The following SPATA13 variants were observed in gnomAD, a reference collection of about 807,000 sequenced individuals.
SPATA13 encodes the protein spermatogenesis associated 13, also known as spermatogenesis-associated protein 13.
A neutral mutation model predicts 104.0 loss-of-function variants in SPATA13; 50 were observed. That is an observed-to-expected ratio of 0.48 (90% CI 0.38 to 0.61). The LOEUF is 0.61. Ranked by LOEUF, SPATA13 falls within the 20% of genes least tolerant of loss-of-function variation. The pLI is 0.00. For synonymous variants in SPATA13, 606 were observed against 667.5 expected, an observed-to-expected ratio of 0.91 and a Z score of 1.42; for missense variants, 1,524 against 1,690.6, an observed-to-expected ratio of 0.90 and a Z score of 1.73.
At chr13:24,100,483 CCT>C (rs751336414) in intron 3 of SPATA13, among the ~76,000 whole-genome samples, 1 of 152,202 alleles carries the variant, frequency 6.6e-6, no homozygotes, top group Non-Finnish European at 1.5e-5. Flanking sequence ...TCCCTGTCTC[CCT>C]CTCTCAGCTA....
intron 3 of SPATA13, among the ~76,000 whole-genome samples, chr13:24,151,663 A>G (rs1882103138): frequency 6.6e-6 from 1 of 152,080 alleles, no homozygotes; most frequent in African/African-American, 2.4e-5. Context: ...AAGTTCAAAC[A>G]CCAGCTGTGG....
Position 24,063,708 on chromosome 13 carries a change from C to T in SPATA13, c.-112+46007C>T, listed in dbSNP as rs550022439. Among the ~76,000 whole-genome samples, 22 of 152,314 alleles carry T rather than the reference C, an allele frequency of 1.4e-4. No individual in the cohort carries two copies. The East Asian group carries it at 3.7e-3, about 25-fold the overall frequency. ...AGGGTCAGGAGGAGGGGGCAGCCTT[C>T]TCGTTGCTGATGTTTCACCCTTTAT... On this transcript the variant is annotated intron_variant, in intron 3 of 14. Coordinates refer to the SPATA13 transcript ENST00000424834.
At chr13:24,241,371 A>G (rs982701513) in intron 2 of SPATA13, among the ~76,000 whole-genome samples, 1 of 152,226 alleles carries the variant, frequency 6.6e-6, no homozygotes, top group African/African-American at 2.4e-5. Context: ...TCCCTAAAGT[A>G]GCAGAAACTG....
chr13:24,298,769 C>G (rs1039734259), intron 11 of SPATA13, among the ~76,000 whole-genome samples: 1 of 152,178 alleles, frequency 6.6e-6, no homozygotes, highest in African/African-American at 2.4e-5. Flanking sequence ...CTAAGCTTGG[C>G]TACAGAATTT....
intron 3 of SPATA13, chr13:24,034,748 G>C (rs1455087010): frequency 6.6e-6 from 1 of 152,206 alleles, no homozygotes; most frequent in Non-Finnish European, 1.5e-5. Flanking sequence ...GTATGGCCTG[G>C]GATTTTCACA....
chr13:23,987,247 A>G (rs1875192513), intron 2 of SPATA13, among the ~76,000 whole-genome samples: 1 of 152,132 alleles, frequency 6.6e-6, no homozygotes, highest in South Asian at 2.1e-4. Context: ...TTAGATAGCT[A>G]ATGTGGTATT....
At chr13:24,287,040 C>T (rs1365644533) in intron 7 of SPATA13, 90 bp downstream of exon 7, 4 of 1,115,196 alleles carry the variant, frequency 3.6e-6, no homozygotes, top group Admixed American at 4.5e-5. Flanking sequence ...CCCCCCGCCC[C>T]CCCATCAGGC....
chr13:24,032,915 G>A (rs1199655181), intron 3 of SPATA13, among the ~76,000 whole-genome samples: 1 of 152,098 alleles, frequency 6.6e-6, no homozygotes, highest in Non-Finnish European at 1.5e-5. Flanking sequence ...GGGAATACTG[G>A]GGCGTTTGAT....
Position 24,136,987 on chromosome 13 carries a change from G to A in SPATA13, c.-111-85832G>A, listed in dbSNP as rs1240823228. ...TGGGACTACAGGCGCCCGCCACTAC[G>A]CCCGGCTAATTTTTTTGTATTTTTA... On this transcript the variant is annotated intron_variant, in intron 3 of 14. Coordinates refer to the SPATA13 transcript ENST00000424834. Among the ~76,000 whole-genome samples the A allele has an allele frequency of 5.9e-5, 6 of 101,792 alleles. 2 individuals carry two copies. Among genetic ancestry groups the A allele is most frequent in the Admixed American group, 2.3e-4 (2 of 8,838 alleles). The allele number at this position is 101,792 out of a possible 152,430, so 66.8% of individuals were successfully genotyped here.
At chr13:24,136,457 CAAGAGTG>C (rs1566117082) in intron 3 of SPATA13, among the ~76,000 whole-genome samples, 2 of 148,204 alleles carry the variant, frequency 1.3e-5, no homozygotes. Flanking sequence ...GCCTGGGTAA[CAAGAGTG>C]AAACTTAGTC....
At chr13:24,248,918 C>A (rs1471203075) in intron 2 of SPATA13, among the ~76,000 whole-genome samples, 1 of 148,178 alleles carries the variant, frequency 6.7e-6, no homozygotes, top group Non-Finnish European at 1.5e-5. Flanking sequence ...CGTGCTCTTT[C>A]ACCCAGGCTG....
At chr13:24,099,631 C>T (rs1386786720) in intron 3 of SPATA13, among the ~76,000 whole-genome samples, 1 of 152,160 alleles carries the variant, frequency 6.6e-6, no homozygotes, top group East Asian at 1.9e-4. Flanking sequence ...GTGGTGTTTC[C>T]AGAGACCTAC....
At chr13:24,270,578 T>A (rs2138694575) in intron 4 of SPATA13, 1 of 532,630 alleles carries the variant, frequency 1.9e-6, no homozygotes, top group Non-Finnish European at 3.3e-6. Context: ...AGTGTGTTTG[T>A]CTTTGGTGTA....
intron 2 of SPATA13, among the ~76,000 whole-genome samples, chr13:23,987,079 G>GTGCCCA (rs367986400): frequency 6.6e-6 from 1 of 150,638 alleles, no homozygotes; most frequent in African/African-American, 2.4e-5. Context: ...CATAGGCAGT[G>GTGCCCA]GATTGATATT....
intron 3 of SPATA13, among the ~76,000 whole-genome samples, chr13:24,032,560 T>A (rs1468694311): frequency 6.6e-6 from 1 of 152,222 alleles, no homozygotes; most frequent in East Asian, 1.9e-4. Flanking sequence ...GTTCACAGGG[T>A]AACTGACTGC....
At position 24,077,990 on chromosome 13, in the gene SPATA13, G is replaced by A. The variant is rs1265278082; in HGVS notation, c.-112+60289G>A. Among the ~76,000 whole-genome samples the A allele has an allele frequency of 2.0e-5, 3 of 152,046 alleles. No individual in the cohort carries two copies. In the East Asian group the frequency reaches 5.8e-4, roughly 29 times the overall value. Reference sequence around the variant, plus strand: ...TGAGGACCTTCAAGGCTTGGCCTGCGATTGTCAGCTTCTTGCTCACCCCAC... The same window carrying A: ...TGAGGACCTTCAAGGCTTGGCCTGCAATTGTCAGCTTCTTGCTCACCCCAC... On this transcript the variant is annotated intron_variant, in intron 3 of 14. Transcript: ENST00000424834.
At chr13:24,195,808 C>T (rs1304710610) in intron 1 of SPATA13, among the ~76,000 whole-genome samples, 1 of 152,024 alleles carries the variant, frequency 6.6e-6, no homozygotes, top group East Asian at 1.9e-4. Context: ...GTTAATATAG[C>T]TAAATATTAA....
chr13:24,054,686 C>T (rs1427374288), intron 3 of SPATA13, among the ~76,000 whole-genome samples: 4 of 152,070 alleles, frequency 2.6e-5, no homozygotes, highest in African/African-American at 4.8e-5. Context: ...AGTAGCGCAC[C>T]GTTAATTTAT....
intron 3 of SPATA13, among the ~76,000 whole-genome samples, chr13:24,145,126 C>A (rs1221834088): frequency 6.6e-6 from 1 of 152,120 alleles, no homozygotes; most frequent in Non-Finnish European, 1.5e-5. Context: ...AACTTCCTGG[C>A]AATACTGACA....
Sources: gnomAD v4.1 joint callset for allele counts (sites outside exome capture counted in the v4.1 genomes callset) on GRCh38, gnomAD v4.1.1 for gene constraint, MANE v1.5 for transcripts, NCBI Gene and HGNC (gene_info 2026-07-23, HGNC 2026-07-21) for gene names.